The following AMPH variants were observed in gnomAD, a reference collection of about 807,000 sequenced individuals.
AMPH encodes the protein amphiphysin (Stiff-Mann syndrome with breast cancer 128kD autoantigen).
AMPH carries 49 observed loss-of-function variants against 99.1 expected under a neutral mutation model. That is an observed-to-expected ratio of 0.49 (90% confidence interval 0.39 to 0.63). AMPH has a LOEUF of 0.63. Among genes scored for constraint, AMPH ranks in the 20% least tolerant of loss-of-function variants. AMPH has a pLI of 0.00. For missense variants in AMPH, 759 were observed against 863.4 expected (o/e 0.88, Z 1.52); for synonymous variants, 314 against 317.3 (o/e 0.99, Z 0.11).
intron 1 of AMPH, among the ~76,000 whole-genome samples, chr7:38,535,452 T>C (rs1201787048): frequency 6.6e-6 from 1 of 152,100 alleles, no homozygotes; most frequent in Non-Finnish European, 1.5e-5. Context: ...GTCCCCAAAC[T>C]TTTTGGCACC....
intron 16 of AMPH, chr7:38,420,977 A>T (rs762044700): frequency 2.2e-6 from 1 of 456,678 alleles, no homozygotes. Flanking sequence ...GATCGTGTAC[A>T]ATCACGACTC....
intron 7 of AMPH, among the ~76,000 whole-genome samples, chr7:38,473,250 T>C (rs1787949704): frequency 6.6e-6 from 1 of 152,320 alleles, no homozygotes; most frequent in Non-Finnish European, 1.5e-5. Flanking sequence ...ATAAAAAGTA[T>C]AACTGTCTTA....
rs147600535 is a variant in AMPH at position 38,399,922 on chromosome 7, T to C, written c.1399-5708A>G. Among the ~76,000 whole-genome samples, 242 of 152,266 alleles carry C rather than the reference T, an allele frequency of 1.6e-3. 1 individual carries two copies. Among genetic ancestry groups the C allele is most frequent in the Non-Finnish European group, 2.6e-3 (177 of 68,014 alleles). The stretch of plus-strand genomic sequence containing the variant: ...GTTCTCCTTGACCTTGGGCACATAT[T>C]TACTATATCCATGAGGTCTATGAGG... On this transcript the variant is annotated intron_variant, in intron 17 of 20. Transcript: ENST00000356264.
At chr7:38,497,247 C>T (rs1788963928) in intron 3 of AMPH, among the ~76,000 whole-genome samples, 2 of 152,038 alleles carry the variant, frequency 1.3e-5, no homozygotes, top group Admixed American at 1.3e-4. Context: ...AATACAAGTT[C>T]TCTTCAGAGT....
In AMPH at chr7:38,503,177, C is replaced by T. The variant is rs148548492; in HGVS notation, c.205+473G>A. Among the ~76,000 whole-genome samples, 98 of 152,324 alleles carry T rather than the reference C, an allele frequency of 6.4e-4. 1 individual carries two copies. The East Asian group carries it at 0.012, about 18-fold the overall frequency. On this transcript the variant is annotated intron_variant, in intron 3 of 20. Transcript: ENST00000356264. ...CATTGCACGTCGGTAGGGATGCAAG[C>T]GCTGCTAATCCACACAAGTCAAAGC...
intron 3 of AMPH, among the ~76,000 whole-genome samples, chr7:38,500,400 G>A (rs751471209): frequency 5.3e-5 from 8 of 152,138 alleles, no homozygotes; most frequent in African/African-American, 1.7e-4. Context: ...TCCTTTCTCC[G>A]TCATATGGAG....
intron 1 of AMPH, among the ~76,000 whole-genome samples, chr7:38,571,018 TA>T (rs1282108976): frequency 2.2e-4 from 14 of 62,344 alleles, no homozygotes; most frequent in African/African-American, 7.3e-4. Flanking sequence ...AGAATATATA[TA>T]TTCATATATT....
intron 2 of AMPH, among the ~76,000 whole-genome samples, chr7:38,511,038 T>C (rs975653469): frequency 1.3e-5 from 2 of 152,078 alleles, no homozygotes; most frequent in Non-Finnish European, 2.9e-5. Context: ...AGTTACTTAA[T>C]CTCTCTAGGC....
At chr7:38,544,150 C>G (rs1050721138) in intron 1 of AMPH, among the ~76,000 whole-genome samples, 1 of 152,158 alleles carries the variant, frequency 6.6e-6, no homozygotes, top group African/African-American at 2.4e-5. Flanking sequence ...GTCAGGAACT[C>G]AAATGTAATA....
intron 1 of AMPH, among the ~76,000 whole-genome samples, chr7:38,572,802 AC>A (rs1053958070): frequency 3.9e-5 from 6 of 152,112 alleles, no homozygotes; most frequent in Non-Finnish European, 8.8e-5. Flanking sequence ...CAAGAAGCCA[AC>A]CAACAGGGAG....
At chr7:38,629,383 A>G (rs1489627936) in intron 1 of AMPH, among the ~76,000 whole-genome samples, 3 of 152,144 alleles carry the variant, frequency 2.0e-5, no homozygotes, top group Non-Finnish European at 4.4e-5. Context: ...TCCCCAGTGA[A>G]GAAAATAGGA....
chr7:38,574,816 G>T (rs1792172942), intron 1 of AMPH, among the ~76,000 whole-genome samples: 1 of 152,034 alleles, frequency 6.6e-6, no homozygotes, highest in Non-Finnish European at 1.5e-5. Flanking sequence ...AGCACTTTGG[G>T]AGGCCGGGGC....
chr7:38,422,133 A>G (rs996199033), intron 16 of AMPH, among the ~76,000 whole-genome samples: 1 of 152,216 alleles, frequency 6.6e-6, no homozygotes, highest in African/African-American at 2.4e-5. Context: ...CTTAAGTTAT[A>G]TTCACATGGA....
At chr7:38,421,046 A>G (rs1471776175) in intron 16 of AMPH, 1 of 456,564 alleles carries the variant, frequency 2.2e-6, no homozygotes, top group Non-Finnish European at 4.4e-6. Flanking sequence ...CAAGGTTAGC[A>G]GCATTTGCAA....
At chr7:38,427,646 CT>C (rs1312437634) in intron 14 of AMPH, among the ~76,000 whole-genome samples, 2 of 32,508 alleles carry the variant, frequency 6.2e-5, no homozygotes, top group Non-Finnish European at 1.1e-4. Flanking sequence ...GTTGATGCTG[CT>C]GCTTTTTTTT....
chr7:38,442,446 A>T (rs1786591773), intron 11 of AMPH, among the ~76,000 whole-genome samples: 1 of 152,156 alleles, frequency 6.6e-6, no homozygotes, highest in Non-Finnish European at 1.5e-5. Flanking sequence ...TCTGCCTTCA[A>T]CTAATTTAAA....
At chr7:38,494,363 G>C (rs1005903441) in intron 4 of AMPH, 70 bp downstream of exon 4, 4 of 1,293,964 alleles carry the variant, frequency 3.1e-6, no homozygotes, top group Non-Finnish European at 3.4e-6. Flanking sequence ...GAAGTGGAAA[G>C]AGCAAGTCAG....
chr7:38,540,869 A>T lies in AMPH; in HGVS notation c.70-5858T>A, dbSNP rs142279335. On this transcript the variant is annotated intron_variant, in intron 1 of 20. Coordinates refer to ENST00000356264, the MANE Select transcript of AMPH (RefSeq NM_001635.4). Reference sequence around the variant, plus strand: ...CAAGATGCCTTAGTGGCATTCATCCATTTGATGAGGGCTCCAACTAGACAA... The same window carrying T: ...CAAGATGCCTTAGTGGCATTCATCCTTTTGATGAGGGCTCCAACTAGACAA... 3.2e-3 allele frequency among the ~76,000 whole-genome samples: 493 copies of T among 151,924 alleles called. 3 individuals are homozygous for T. The highest frequency in any genetic ancestry group is 0.011 in the African/African-American group (472 of 41,468).
intron 11 of AMPH, among the ~76,000 whole-genome samples, chr7:38,447,525 T>C (rs1562761717): frequency 1.3e-5 from 2 of 152,158 alleles, no homozygotes; most frequent in African/African-American, 2.4e-5. Context: ...TATATAACTA[T>C]AGCCATAAAA....
Sources: gnomAD v4.1 joint callset for allele counts (sites outside exome capture counted in the v4.1 genomes callset) on GRCh38, gnomAD v4.1.1 for gene constraint, MANE v1.5 for transcripts, NCBI Gene and HGNC (gene_info 2026-07-23, HGNC 2026-07-21) for gene names.